Variants in TGFBR3 observed in about 807,000 individuals in gnomAD.
TGFBR3 encodes transforming growth factor beta receptor 3.
A neutral mutation model predicts 87.9 loss-of-function variants in TGFBR3; 46 were observed. The ratio of observed to expected loss-of-function variants is 0.52; its 90% CI spans 0.41 to 0.67. The LOEUF (loss-of-function observed/expected upper bound fraction) is 0.67, where lower values mean the gene tolerates loss of function less well. Ranked by LOEUF, TGFBR3 falls within the 30% of genes least tolerant of loss-of-function variation. The pLI, the probability that TGFBR3 is intolerant of heterozygous loss-of-function variation, is 0.00. For synonymous variants in TGFBR3, 381 were observed against 391.6 expected (o/e 0.97, Z 0.32); for missense variants, 866 against 1,041.9 (o/e 0.83, Z 2.32).
intron 10 of TGFBR3, 138 bp from the exon 11 acceptor site, chr1:91,716,846 A>C: frequency 3.7e-6 from 4 of 1,090,676 alleles, no homozygotes; most frequent in Non-Finnish European, 4.2e-6. Context: ...ATAAAATAAC[A>C]TCCAGGCTTT....
At position 91,681,306 on chromosome 1, in the gene TGFBR3, A is replaced by G; in HGVS notation, c.*2433T>C. 1 of 445,574 alleles carries G rather than the reference A, an allele frequency of 2.2e-6. No individual in the cohort carries two copies. The highest frequency in any genetic ancestry group is 1.6e-5 in the South Asian group (1 of 61,044). 27.6% of individuals were successfully genotyped at this position (445,574 alleles called of 1,614,324 possible). A position where few individuals can be genotyped will look rare whatever the true frequency, so the allele number is the denominator to read the frequency against. ...AATACTTAACGACATTCACTCTCCA[A>G]TATGAGATTAGGTTTTATCGACACA... On this transcript the variant is annotated 3_prime_UTR_variant, in exon 17 of 17. Transcript: ENST00000212355.
intron 16 of TGFBR3, among the ~76,000 whole-genome samples, chr1:91,691,143 A>G (rs1260974174): frequency 1.3e-5 from 2 of 152,306 alleles, no homozygotes; most frequent in African/African-American, 2.4e-5. Context: ...AGACACATGG[A>G]AAACAGGAAA....
intron 3 of TGFBR3, among the ~76,000 whole-genome samples, chr1:91,772,331 T>G (rs1184316820): frequency 2.0e-5 from 3 of 152,228 alleles, no homozygotes; most frequent in Non-Finnish European, 4.4e-5. Context: ...TAATAACAAT[T>G]TTAAATCCCA....
chr1:91,828,911 G>A (rs1003076869), intron 2 of TGFBR3, among the ~76,000 whole-genome samples: 2 of 152,140 alleles, frequency 1.3e-5, no homozygotes, highest in Non-Finnish European at 2.9e-5. Context: ...GGTGTTTGAA[G>A]CTTTAAGGCT....
At chr1:91,747,589 C>A (rs1673388783) in intron 4 of TGFBR3, among the ~76,000 whole-genome samples, 1 of 152,218 alleles carries the variant, frequency 6.6e-6, no homozygotes, top group South Asian at 2.1e-4. Flanking sequence ...GCTCAAGGAT[C>A]TTAAAAATTT....
At chr1:91,804,950 C>T (rs1675775937) in intron 2 of TGFBR3, among the ~76,000 whole-genome samples, 1 of 152,222 alleles carries the variant, frequency 6.6e-6, no homozygotes, top group African/African-American at 2.4e-5. Context: ...TAAGGATCAA[C>T]CAGGGCGTGG....
At chr1:91,715,375 C>T (rs536783171) in intron 12 of TGFBR3, among the ~76,000 whole-genome samples, 6 of 152,300 alleles carry the variant, frequency 3.9e-5, no homozygotes, top group South Asian at 2.1e-4. Flanking sequence ...TGGAGTCACA[C>T]GGCCTATGAG....
At chr1:91,786,297 C>T in intron 3 of TGFBR3, 1 of 455,310 alleles carries the variant, frequency 2.2e-6, no homozygotes, top group Non-Finnish European at 4.4e-6. Context: ...AAGAGGTTCA[C>T]AAGCTAGACA....
At chr1:91,809,835 C>T (rs1675968514) in intron 2 of TGFBR3, among the ~76,000 whole-genome samples, 1 of 152,176 alleles carries the variant, frequency 6.6e-6, no homozygotes, top group Admixed American at 6.5e-5. Context: ...TGAGAGCTGA[C>T]ATTTGCAGAG....
chr1:91,821,859 G>C (rs1223036991), intron 2 of TGFBR3, among the ~76,000 whole-genome samples: 2 of 152,176 alleles, frequency 1.3e-5, no homozygotes, highest in African/African-American at 2.4e-5. Context: ...CATATTAAAT[G>C]GTCAATAAAT....
At chr1:91,862,611 G>A (rs1178756496) in intron 1 of TGFBR3, among the ~76,000 whole-genome samples, 4 of 151,928 alleles carry the variant, frequency 2.6e-5, no homozygotes, top group East Asian at 1.9e-4. Flanking sequence ...TTCCTCACAC[G>A]GCCCTAATGG....
chr1:91,832,321 A>C (rs1676880401), intron 2 of TGFBR3, among the ~76,000 whole-genome samples: 1 of 152,078 alleles, frequency 6.6e-6, no homozygotes, highest in African/African-American at 2.4e-5. Flanking sequence ...TTTGATATAC[A>C]GAGACAATCG....
rs111981257 is a variant in TGFBR3, at chr1:91,787,943, G to GAAAAAAAAAAAAAAAA, written c.246+9343_246+9344insTTTTTTTTTTTTTTTT. ...ACAGAGCCAGACCCTGTCTCACGGGGAAAAAAAAAAAAACCCCAAGAAGAA... is the reference window on the plus strand; with the variant it reads ...ACAGAGCCAGACCCTGTCTCACGGGGAAAAAAAAAAAAAAAAAAAAAAAAAAAAACCCCAAGAAGAA... On this transcript the variant is annotated intron_variant, in intron 3 of 16. Transcript: ENST00000212355. Among the ~76,000 whole-genome samples, 100 of 133,228 alleles carry GAAAAAAAAAAAAAAAA rather than the reference G, an allele frequency of 7.5e-4. 1 individual carries two copies. The highest frequency in any genetic ancestry group is 1.4e-3 in the African/African-American group (47 of 32,622). The allele number at this position is 133,228 out of a possible 152,430, so 87.4% of individuals were successfully genotyped here. A position where few individuals can be genotyped will look rare whatever the true frequency, so the allele number is the denominator to read the frequency against.
chr1:91,710,962 T>G (rs776283456), intron 13 of TGFBR3, among the ~76,000 whole-genome samples: 9 of 152,216 alleles, frequency 5.9e-5, no homozygotes, highest in Non-Finnish European at 1.2e-4. Context: ...CACATGAAGC[T>G]GGGCTGTTCC....
intron 6 of TGFBR3, among the ~76,000 whole-genome samples, chr1:91,729,195 A>ACACACACC (rs1415823209): frequency 7.7e-6 from 1 of 130,538 alleles, no homozygotes; most frequent in Non-Finnish European, 1.6e-5. Flanking sequence ...ACACACACAC[A>ACACACACC]CCAAGCACAC....
At chr1:91,807,078 GTACA>G (rs1041789054) in intron 2 of TGFBR3, among the ~76,000 whole-genome samples, 2 of 152,188 alleles carry the variant, frequency 1.3e-5, no homozygotes, top group Admixed American at 6.5e-5. Context: ...CGCCTGACGT[GTACA>G]TAACATATGC....
chr1:91,722,080 C>T lies in TGFBR3; in HGVS notation c.950G>A (p.Arg317Lys), dbSNP rs534911985. The change falls in exon 8 of 17, where the codon AGA becomes AAA. Residue 317 changes from arginine (R) to lysine (K), a missense_variant. By Grantham distance (26) the Arg-to-Lys change is conservative (BLOSUM62 2). Transcript: ENST00000212355. Reference sequence around the variant, plus strand: ...CCCTTGGGTTGAAGGAATGTCATCTCTTATTGATTTGGTCATTGTCATAGA... The same window carrying T: ...CCCTTGGGTTGAAGGAATGTCATCTTTTATTGATTTGGTCATTGTCATAGA... Reference protein sequence around the residue: ...ERSMTMTKSIRDDIPSTQGNL... With the variant: ...ERSMTMTKSIKDDIPSTQGNL... 1 of 1,613,946 alleles carries T rather than the reference C, an allele frequency of 6.2e-7. No homozygotes were observed. Among genetic ancestry groups the T allele is most frequent in the East Asian group, 2.2e-5 (1 of 44,826 alleles).
At chr1:91,807,788 G>A (rs1675889109) in intron 2 of TGFBR3, among the ~76,000 whole-genome samples, 1 of 152,182 alleles carries the variant, frequency 6.6e-6, no homozygotes, top group Non-Finnish European at 1.5e-5. Context: ...ATAGCAAGAG[G>A]TGTCCTTGTA....
chr1:91,810,415 C>G (rs1344898076), intron 2 of TGFBR3, among the ~76,000 whole-genome samples: 1 of 152,208 alleles, frequency 6.6e-6, no homozygotes, highest in African/African-American at 2.4e-5. Context: ...TAAACTGTTA[C>G]ACCTGTTACT....
Sources: allele counts gnomAD v4.1 joint callset (sites outside exome capture counted in the v4.1 genomes callset), GRCh38; gene constraint gnomAD v4.1.1; transcripts MANE v1.5; gene names NCBI Gene and HGNC (gene_info 2026-07-23, HGNC 2026-07-21).